Variants in MTHFD1L observed in about 807,000 individuals in gnomAD.
MTHFD1L encodes methylenetetrahydrofolate dehydrogenase (NADP+ dependent) 1 like, also known as monofunctional C1-tetrahydrofolate synthase, mitochondrial.
Under a neutral mutation model 119.5 loss-of-function variants are expected in MTHFD1L, and 81 were observed. The observed-to-expected ratio is 0.68, with a 90% CI of 0.57 to 0.82. The LOEUF (loss-of-function observed/expected upper bound fraction) is 0.82, where lower values mean the gene tolerates loss of function less well. MTHFD1L is among the 40% of genes least tolerant of loss of function. The probability of loss-of-function intolerance (pLI) is 0.00; values close to 1 mark genes in which losing one functional copy is unlikely to be tolerated. For missense variants in MTHFD1L, 1,125 were observed against 1,253.4 expected (o/e 0.90, Z 1.55); for synonymous variants, 430 against 475.2 (o/e 0.90, Z 1.24).
intron 24 of MTHFD1L, among the ~76,000 whole-genome samples, chr6:151,019,222 T>TCACGC: frequency 6.6e-6 from 1 of 152,088 alleles, no homozygotes; most frequent in East Asian, 1.9e-4. Flanking sequence ...GTGCCTCTGA[T>TCACGC]CATGCCATCT....
chr6:151,044,681 C>T (rs1787691740), intron 26 of MTHFD1L, among the ~76,000 whole-genome samples: 1 of 152,108 alleles, frequency 6.6e-6, no homozygotes, highest in Admixed American at 6.6e-5. Flanking sequence ...GGGACCAGGC[C>T]CTAGAAGACC....
chr6:151,037,259 T>C lies in MTHFD1L; in HGVS notation c.2847+142T>C. 1.4e-5 allele frequency: 13 copies of C among 942,952 alleles called. No individual in the cohort carries two copies. The South Asian group carries it at 2.2e-4, about 16-fold the overall frequency. The allele number at this position is 942,952 out of a possible 1,614,324, so 58.4% of individuals were successfully genotyped here. A position where few individuals can be genotyped will look rare whatever the true frequency, so the allele number is the denominator to read the frequency against. ...AATAGTACAGTATTCGCTATTTTTCTAAACACTGTGTCTCACCTACTTTTG... is the reference window on the plus strand; with the variant it reads ...AATAGTACAGTATTCGCTATTTTTCCAAACACTGTGTCTCACCTACTTTTG... On this transcript the variant is annotated intron_variant, in intron 26 of 27. Coordinates refer to ENST00000367321, the MANE Select transcript of MTHFD1L (RefSeq NM_015440.5).
At chr6:151,088,448 TA>T (rs1286310378) in intron 26 of MTHFD1L, 1 of 152,086 alleles carries the variant, frequency 6.6e-6, no homozygotes, top group African/African-American at 2.4e-5. Context: ...ATATTTCGGC[TA>T]GTTTTTGTTT....
intron 10 of MTHFD1L, among the ~76,000 whole-genome samples, chr6:150,924,538 G>A (rs772702529): frequency 6.6e-5 from 10 of 152,094 alleles, no homozygotes; most frequent in Non-Finnish European, 1.3e-4. Flanking sequence ...GTGCAGTGGT[G>A]CAATCTCAGC....
intron 18 of MTHFD1L, among the ~76,000 whole-genome samples, chr6:150,963,832 A>G (rs1796807683): frequency 6.6e-6 from 1 of 152,184 alleles, no homozygotes; most frequent in African/African-American, 2.4e-5. Context: ...AAACACCAAG[A>G]CACCACTTAA....
rs1789941276 is a variant in MTHFD1L, at chr6:150,926,145, A to C, written c.1106A>C (p.Gln369Pro). 6.2e-7 allele frequency: 1 copy of C among 1,613,814 alleles called. No homozygotes were observed. The highest frequency in any genetic ancestry group is 1.3e-5 in the African/African-American group (1 of 75,028). Residue 369 changes from glutamine to proline, a missense_variant, in exon 11 of 28, where the codon CAA (glutamine) becomes CCA (proline). Gln to Pro is a moderately conservative substitution (Grantham distance 76). This residue lies in a region of MTHFD1L where 1,058 missense variants were observed against 1,151.2 expected (regional missense o/e 0.92). Transcript: ENST00000367321. This position sits in a 1 kb window ranked among gnomAD's most constrained non-coding sequence, Gnocchi z 4.3. ...VPSDIEISRG[Q>P]TPKAVDVLAK... ...AGTGACATTGAGATTTCAAGAGGAC[A>C]AACTCCAAAAGCTGTGGATGTCCTT...
intron 7 of MTHFD1L, 129 bp downstream of exon 7, chr6:150,888,110 A>C: frequency 2.0e-6 from 2 of 1,002,096 alleles, no homozygotes; most frequent in African/African-American, 1.7e-5. Context: ...CATATCCATT[A>C]AAGACATTGA....
intron 24 of MTHFD1L, among the ~76,000 whole-genome samples, chr6:151,031,032 A>T (rs1045713115): frequency 6.6e-6 from 1 of 152,146 alleles, no homozygotes; most frequent in Non-Finnish European, 1.5e-5. Context: ...AATAAATTTT[A>T]AAAAAAGTTA....
chr6:150,976,178 G>A (rs1360715753), intron 20 of MTHFD1L, among the ~76,000 whole-genome samples: 2 of 152,106 alleles, frequency 1.3e-5, no homozygotes, highest in African/African-American at 4.8e-5. Flanking sequence ...TCCAGCCTAG[G>A]CAACAGAGAC....
intron 24 of MTHFD1L, among the ~76,000 whole-genome samples, chr6:151,025,072 A>G (rs1436426365): frequency 1.3e-5 from 2 of 152,300 alleles, no homozygotes; most frequent in Admixed American, 6.5e-5. Flanking sequence ...ATTTCTTACT[A>G]TTTCATGTGG....
intron 26 of MTHFD1L, among the ~76,000 whole-genome samples, chr6:151,076,544 G>A (rs1405042546): frequency 2.6e-5 from 4 of 151,802 alleles, no homozygotes; most frequent in Non-Finnish European, 5.9e-5. Context: ...CCAGCTACTC[G>A]GGAGGCTGAG....
chr6:150,995,514 CAAAAA>C (rs71737990), intron 20 of MTHFD1L, among the ~76,000 whole-genome samples: 1 of 114,870 alleles, frequency 8.7e-6, no homozygotes. Flanking sequence ...AACTCCGTCT[CAAAAA>C]AAAAAAAAAA....
intron 24 of MTHFD1L, among the ~76,000 whole-genome samples, chr6:151,032,257 G>A (rs1024665580): frequency 1.3e-5 from 2 of 152,234 alleles, no homozygotes; most frequent in Non-Finnish European, 2.9e-5. Flanking sequence ...TGAAGGCTGT[G>A]CAAGCATGGC....
chr6:150,994,077 A>AGGAAGG (rs1554273889), intron 20 of MTHFD1L, among the ~76,000 whole-genome samples: 5 of 105,294 alleles, frequency 4.7e-5, no homozygotes, highest in African/African-American at 1.5e-4. Flanking sequence ...AAAAAAAAAA[A>AGGAAGG]AAAGAAAGAA....
In MTHFD1L at chr6:151,013,854, A is replaced by C. The variant is rs375066215; in HGVS notation, c.2307+34A>C. 1.7e-5 allele frequency: 27 copies of C among 1,580,304 alleles called. No homozygotes were observed. The East Asian group carries it at 5.8e-4, about 34-fold the overall frequency. On this transcript the variant is annotated intron_variant, in intron 22 of 27. Coordinates refer to ENST00000367321, the MANE Select transcript of MTHFD1L (RefSeq NM_015440.5). Reference sequence around the variant, plus strand: ...AGCTGTTTAGATGCTTATGTGAAGAATCTCTTAAATCCAGTGACTCGTTGG... The same window carrying C: ...AGCTGTTTAGATGCTTATGTGAAGACTCTCTTAAATCCAGTGACTCGTTGG...
intron 19 of MTHFD1L, among the ~76,000 whole-genome samples, chr6:150,970,557 G>A (rs1407228): frequency 0.31 from 46,884 of 152,036 alleles, 7,670 homozygotes; most frequent in East Asian, 0.63. Context: ...ACTCTGGTAA[G>A]CTAACAATTA....
intron 26 of MTHFD1L, among the ~76,000 whole-genome samples, chr6:151,058,786 C>G (rs13194260): frequency 7.1e-4 from 108 of 152,310 alleles, no homozygotes; most frequent in Non-Finnish European, 1.3e-3. Flanking sequence ...ACTGTTTTAA[C>G]TTATTTAATA....
intron 20 of MTHFD1L, 23 bp downstream of exon 20, chr6:150,972,081 AGTT>A (rs760115738): frequency 1.3e-6 from 2 of 1,588,618 alleles, no homozygotes; most frequent in Admixed American, 3.3e-5. Context: ...TTTTAAATTT[AGTT>A]GTTGTAGAAT....
At chr6:150,886,995 A>C (rs756021874) in intron 6 of MTHFD1L, among the ~76,000 whole-genome samples, 1 of 142,572 alleles carries the variant, frequency 7.0e-6, no homozygotes, top group Non-Finnish European at 1.5e-5. Flanking sequence ...ATCCTATCTG[A>C]AAAAAAAAAA....
Sources: gnomAD v4.1 joint callset for allele counts (sites outside exome capture counted in the v4.1 genomes callset) on GRCh38, gnomAD v4.1.1 for gene constraint, gnomAD v4.1.1 regional missense constraint, Gnocchi (gnomAD v3.1) non-coding constraint, MANE v1.5 for transcripts, NCBI Gene and HGNC (gene_info 2026-07-23, HGNC 2026-07-21) for gene names.